LTBP1: variants seen among roughly 807,000 people sequenced by gnomAD.
LTBP1 encodes the protein latent transforming growth factor beta binding protein 1.
A neutral mutation model predicts 207.6 loss-of-function variants in LTBP1; 129 were observed. The observed-to-expected ratio is 0.62, with a 90% CI of 0.54 to 0.72. The LOEUF (loss-of-function observed/expected upper bound fraction) is 0.72. Ranked by LOEUF, LTBP1 falls within the 30% of genes least tolerant of loss-of-function variation. LTBP1 has a pLI of 0.00. For missense variants in LTBP1, 2,281 were observed against 2,217.2 expected, an observed-to-expected ratio of 1.03 and a Z score of -0.58; for synonymous variants, 963 against 833.7, an observed-to-expected ratio of 1.16 and a Z score of -2.67.
intron 5 of LTBP1, among the ~76,000 whole-genome samples, chr2:33,158,539 TC>T (rs1244611352): frequency 1.3e-5 from 2 of 152,130 alleles, no homozygotes; most frequent in Non-Finnish European, 2.9e-5. Context: ...GACTTATAGT[TC>T]CCTGGTTAAT....
intron 7 of LTBP1, among the ~76,000 whole-genome samples, chr2:33,215,718 T>C (rs1369118253): frequency 1.4e-5 from 2 of 143,960 alleles, no homozygotes; most frequent in African/African-American, 5.3e-5. Flanking sequence ...TTTCTTTTGT[T>C]TTTTGTTTTT....
chr2:33,109,124 ATC>A (rs1460458178), intron 3 of LTBP1, among the ~76,000 whole-genome samples: 1 of 152,228 alleles, frequency 6.6e-6, no homozygotes, highest in Non-Finnish European at 1.5e-5. Flanking sequence ...CTATTCCTTT[ATC>A]TCTCATGAAT....
chr2:32,977,982 T>G (rs1682091587), intron 2 of LTBP1, among the ~76,000 whole-genome samples: 1 of 152,218 alleles, frequency 6.6e-6, no homozygotes, highest in Admixed American at 6.5e-5. Context: ...GCTATTGTAA[T>G]TGGGATTACT....
At chr2:33,295,541 A>G (rs2148892256) in intron 20 of LTBP1, among the ~76,000 whole-genome samples, 1 of 150,174 alleles carries the variant, frequency 6.7e-6, no homozygotes, top group South Asian at 2.1e-4. Flanking sequence ...CTCAATGATG[A>G]TAATAATAAT....
At chr2:33,047,530 T>A (rs2076508215) in intron 3 of LTBP1, among the ~76,000 whole-genome samples, 1 of 152,216 alleles carries the variant, frequency 6.6e-6, no homozygotes, top group Non-Finnish European at 1.5e-5. Context: ...GTGTTTTACC[T>A]CCAGTTATGT....
At chr2:33,262,540 CTTTTT>C (rs369761322) in intron 13 of LTBP1, among the ~76,000 whole-genome samples, 177 bp from the exon 14 acceptor site, 1 of 98,494 alleles carries the variant, frequency 1.0e-5, no homozygotes, top group Non-Finnish European at 2.2e-5. Flanking sequence ...ATCAAAGGTT[CTTTTT>C]TTTTTTTTTT....
intron 9 of LTBP1, among the ~76,000 whole-genome samples, chr2:33,223,054 G>A (rs895278173): frequency 6.6e-6 from 1 of 152,126 alleles, no homozygotes; most frequent in African/African-American, 2.4e-5. Flanking sequence ...GTGTTCTGAG[G>A]CTCTGTATCC....
Position 32,975,583 on chromosome 2 carries a change from G to GTTTTTTTTTT in LTBP1, c.565+26667_565+26676dup, listed in dbSNP as rs779168923. ...TTGTTGGAGGTTTCATTCATTCTTT[G>GTTTTTTTTTT]TTTTTTTTTTTTTTTTTTTTTTTTT... is the stretch of plus-strand genomic sequence containing the variant. On this transcript the variant is annotated intron_variant, in intron 2 of 33. Transcript: ENST00000404816. Among the ~76,000 whole-genome samples, 72 of 31,378 alleles carry GTTTTTTTTTT rather than the reference G, an allele frequency of 2.3e-3. 22 individuals are homozygous for GTTTTTTTTTT. Among genetic ancestry groups the GTTTTTTTTTT allele is most frequent in the South Asian group, 7.9e-3 (4 of 508 alleles). 20.6% of individuals were successfully genotyped at this position (31,378 alleles called of 152,430 possible). A position where few individuals can be genotyped will look rare whatever the true frequency, so the allele number is the denominator to read the frequency against.
At chr2:33,176,825 T>A (rs543036811) in intron 5 of LTBP1, among the ~76,000 whole-genome samples, 2 of 152,156 alleles carry the variant, frequency 1.3e-5, no homozygotes, top group South Asian at 4.1e-4. Context: ...GCACATCCCT[T>A]TTGTTGCTGA....
intron 24 of LTBP1, among the ~76,000 whole-genome samples, chr2:33,327,789 G>A (rs1290339510): frequency 6.6e-6 from 1 of 152,078 alleles, no homozygotes; most frequent in African/African-American, 2.4e-5. Context: ...ACCAGGAAAT[G>A]CAGCAGTGTG....
chr2:33,123,427 A>G (rs115781177), intron 4 of LTBP1, among the ~76,000 whole-genome samples: 8,416 of 152,114 alleles, frequency 0.055, 279 homozygotes, highest in Middle Eastern at 0.099. Context: ...GGCAACCACA[A>G]TGCAGTATGT....
At chr2:33,349,311 G>GCTAATA in intron 26 of LTBP1, among the ~76,000 whole-genome samples, 2 of 152,220 alleles carry the variant, frequency 1.3e-5, no homozygotes, top group East Asian at 3.9e-4. Context: ...TTAGCCGGGA[G>GCTAATA]TGGAGGCATA....
chr2:33,005,266 G>A (rs1049792810), intron 2 of LTBP1, among the ~76,000 whole-genome samples: 1 of 152,188 alleles, frequency 6.6e-6, no homozygotes, highest in Non-Finnish European at 1.5e-5. Context: ...TCTGCTCCAT[G>A]TATCAGCGTG....
chr2:33,215,802 G>A (rs993714329), intron 7 of LTBP1, among the ~76,000 whole-genome samples: 11 of 146,962 alleles, frequency 7.5e-5, no homozygotes, highest in African/African-American at 2.5e-4. Flanking sequence ...TGCAATCTCT[G>A]CCTCCTGGGT....
intron 2 of LTBP1, among the ~76,000 whole-genome samples, chr2:32,950,554 C>CAA (rs61179206): frequency 9.9e-4 from 114 of 114,880 alleles, no homozygotes; most frequent in African/African-American, 3.6e-3. Flanking sequence ...GACTCTGTCT[C>CAA]AAAAAAAAAA....
At chr2:33,142,576 A>T (rs2082719897) in intron 5 of LTBP1, among the ~76,000 whole-genome samples, 1 of 152,194 alleles carries the variant, frequency 6.6e-6, no homozygotes, top group Non-Finnish European at 1.5e-5. Context: ...GTTGACCTTA[A>T]GAGCCAGAAT....
At chr2:33,188,874 C>T in intron 7 of LTBP1, 23 bp downstream of exon 7, 1 of 1,610,564 alleles carries the variant, frequency 6.2e-7, no homozygotes, top group Non-Finnish European at 8.5e-7. Flanking sequence ...ACCGAGCCTG[C>T]TTTAGCAGTG....
At chr2:33,164,998 T>G (rs17012621) in intron 5 of LTBP1, among the ~76,000 whole-genome samples, 2,541 of 152,198 alleles carry the variant, frequency 0.017, 25 homozygotes, top group East Asian at 0.027. Context: ...AGGAAGAGTG[T>G]GAAGAGGAAT....
Position 33,301,392 on chromosome 2 carries a change from C to T in LTBP1, c.3359-130C>T, listed in dbSNP as rs144817425. 4.9e-4 allele frequency: 532 copies of T among 1,092,652 alleles called. 3 individuals are homozygous for T. The East Asian group carries it at 0.011, about 22-fold the overall frequency. The allele number at this position is 1,092,652 out of a possible 1,614,324, so 67.7% of individuals were successfully genotyped here. On this transcript the variant is annotated intron_variant, in intron 21 of 33. Transcript: ENST00000404816. ...GTCTCCTGAGATAGTATTACAAAAG[C>T]GACAATACATGATGGTCATTACTTG...
Sources: gnomAD v4.1 joint callset for allele counts (sites outside exome capture counted in the v4.1 genomes callset) on GRCh38, gnomAD v4.1.1 for gene constraint, MANE v1.5 for transcripts, NCBI Gene and HGNC (gene_info 2026-07-23, HGNC 2026-07-21) for gene names.